The following CPQ variants were observed in gnomAD, a reference collection of about 807,000 sequenced individuals.
CPQ encodes Ser-Met dipeptidase.
A neutral mutation model predicts 45.7 loss-of-function variants in CPQ; 37 were observed. The ratio of observed to expected loss-of-function variants is 0.81; its 90% CI spans 0.62 to 1.07. The LOEUF (loss-of-function observed/expected upper bound fraction) is 1.07. CPQ is among the 50% of genes least tolerant of loss of function. CPQ has a pLI of 0.00. For synonymous variants in CPQ, 186 were observed against 205.8 expected, an observed-to-expected ratio of 0.90 and a Z score of 0.82; for missense variants, 537 against 572.9, an observed-to-expected ratio of 0.94 and a Z score of 0.64.
intron 5 of CPQ, among the ~76,000 whole-genome samples, chr8:97,011,944 C>T (rs80351791): frequency 0.028 from 4,230 of 152,182 alleles, 118 homozygotes; most frequent in African/African-American, 0.078. Flanking sequence ...CCAGTGTGCG[C>T]GCTCTCTCTC....
At chr8:97,095,332 A>C (rs550156665) in intron 7 of CPQ, among the ~76,000 whole-genome samples, 2 of 152,320 alleles carry the variant, frequency 1.3e-5, no homozygotes, top group East Asian at 3.9e-4. Flanking sequence ...TCAAACCTGA[A>C]AACTTGGCAT....
intron 4 of CPQ, among the ~76,000 whole-genome samples, chr8:96,953,968 A>T (rs1252003677): frequency 6.6e-6 from 1 of 152,176 alleles, no homozygotes; most frequent in African/African-American, 2.4e-5. Flanking sequence ...TATTTTTATC[A>T]TCTTAAAATT....
intron 1 of CPQ, among the ~76,000 whole-genome samples, chr8:96,775,482 G>A (rs900418932): frequency 1.3e-5 from 2 of 152,114 alleles, no homozygotes; most frequent in African/African-American, 4.8e-5. Context: ...CAAGGGTATG[G>A]TAATGGTGTT....
chr8:96,765,145 T>C (rs1810450916), intron 1 of CPQ, among the ~76,000 whole-genome samples: 2 of 152,156 alleles, frequency 1.3e-5, no homozygotes, highest in African/African-American at 4.8e-5. Flanking sequence ...ATTGACAGAG[T>C]GTTTGGCGCA....
At chr8:97,082,123 G>C (rs1332891901) in intron 7 of CPQ, among the ~76,000 whole-genome samples, 1 of 152,184 alleles carries the variant, frequency 6.6e-6, no homozygotes, top group Non-Finnish European at 1.5e-5. Context: ...GCCACGGAAG[G>C]ATAGAGTTTG....
intron 5 of CPQ, among the ~76,000 whole-genome samples, chr8:96,967,158 A>T (rs555001032): frequency 1.3e-5 from 2 of 152,190 alleles, no homozygotes; most frequent in Non-Finnish European, 2.9e-5. Flanking sequence ...TCCAGAAAGA[A>T]GTGGGTTCTA....
intron 1 of CPQ, among the ~76,000 whole-genome samples, chr8:96,666,805 A>G (rs1261342925): frequency 1.3e-5 from 2 of 152,098 alleles, no homozygotes; most frequent in African/African-American, 4.8e-5. Flanking sequence ...TCTAAAGCCT[A>G]TATAGTTCCT....
chr8:96,650,316 G>A (rs977148906), intron 1 of CPQ, among the ~76,000 whole-genome samples: 5 of 152,182 alleles, frequency 3.3e-5, no homozygotes, highest in African/African-American at 1.2e-4. Context: ...TGACAAACAG[G>A]TGTTAAAGAA....
intron 4 of CPQ, among the ~76,000 whole-genome samples, chr8:96,923,617 A>G (rs1481358372): frequency 1.3e-5 from 2 of 152,118 alleles, no homozygotes; most frequent in African/African-American, 4.8e-5. Context: ...TTGAGCCCCA[A>G]TTACATGCAT....
intron 7 of CPQ, among the ~76,000 whole-genome samples, chr8:97,069,462 T>C (rs1473029728): frequency 6.8e-6 from 1 of 146,528 alleles, no homozygotes; most frequent in Admixed American, 6.8e-5. Flanking sequence ...AAGACCCCCA[T>C]CTGTCTCTAA....
At chr8:96,950,073 C>T (rs534281968) in intron 4 of CPQ, among the ~76,000 whole-genome samples, 9 of 152,212 alleles carry the variant, frequency 5.9e-5, no homozygotes, top group Non-Finnish European at 1.0e-4. Flanking sequence ...ATATTTCTGT[C>T]CTAATTTCTT....
chr8:97,042,359 A>G (rs1360443764), intron 6 of CPQ, among the ~76,000 whole-genome samples: 1 of 151,776 alleles, frequency 6.6e-6, no homozygotes, highest in Admixed American at 6.6e-5. Flanking sequence ...TATTGTGTCT[A>G]TTTGATTCTT....
At chr8:96,684,859 G>A (rs1809204840) in intron 1 of CPQ, among the ~76,000 whole-genome samples, 1 of 152,008 alleles carries the variant, frequency 6.6e-6, no homozygotes, top group African/African-American at 2.4e-5. Context: ...CAGCACTTTG[G>A]GAGGCTGAGG....
chr8:96,911,369 A>T (rs1812661368), intron 4 of CPQ, among the ~76,000 whole-genome samples: 1 of 152,228 alleles, frequency 6.6e-6, no homozygotes, highest in Admixed American at 6.5e-5. Flanking sequence ...AGGCTGGTGC[A>T]TATTCTCACC....
intron 7 of CPQ, among the ~76,000 whole-genome samples, chr8:97,114,590 G>T (rs1811551326): frequency 6.6e-6 from 1 of 152,256 alleles, no homozygotes; most frequent in South Asian, 2.1e-4. Context: ...TTCATATCAA[G>T]TATATATCAA....
intron 4 of CPQ, among the ~76,000 whole-genome samples, chr8:96,903,302 A>G (rs1439699910): frequency 2.6e-5 from 4 of 152,230 alleles, no homozygotes; most frequent in Non-Finnish European, 5.9e-5. Flanking sequence ...CAAATAGAGT[A>G]GTAGGCATAG....
intron 7 of CPQ, among the ~76,000 whole-genome samples, chr8:97,108,364 T>G (rs979034083): frequency 3.9e-5 from 6 of 152,242 alleles, no homozygotes; most frequent in African/African-American, 1.4e-4. Flanking sequence ...TTTCTTGATT[T>G]AGGAGTCTGG....
intron 4 of CPQ, among the ~76,000 whole-genome samples, chr8:96,947,314 A>G (rs1385134827): frequency 6.6e-6 from 1 of 152,192 alleles, no homozygotes; most frequent in Non-Finnish European, 1.5e-5. Context: ...AGTAGGCTAT[A>G]TCATCTAGGT....
rs1809466466 is a variant in CPQ, at chr8:96,701,842, A to G, written c.-35+56440A>G. On this transcript the variant is annotated intron_variant, in intron 1 of 7. Transcript: ENST00000220763. The stretch of plus-strand genomic sequence containing the variant: ...GTTCCCAACCCTGTCCCCATCCCTA[A>G]CTGAAGGAACTTTTGTTTGTGCAAT... Among the ~76,000 whole-genome samples, 3 of 152,118 alleles carry G rather than the reference A, an allele frequency of 2.0e-5. 1 individual carries two copies. Among genetic ancestry groups the G allele is most frequent in the Admixed American group, 1.3e-4 (2 of 15,270 alleles).
Sources: allele counts gnomAD v4.1 joint callset (sites outside exome capture counted in the v4.1 genomes callset), GRCh38; gene constraint gnomAD v4.1.1; transcripts MANE v1.5; gene names NCBI Gene and HGNC (gene_info 2026-07-23, HGNC 2026-07-21).